MYRIP: variants seen among roughly 807,000 people sequenced by gnomAD.
MYRIP encodes the protein myosin VIIA and Rab interacting protein.
A neutral mutation model predicts 98.0 loss-of-function variants in MYRIP; 49 were observed. That is an observed-to-expected ratio of 0.50 (90% CI 0.40 to 0.63). MYRIP has a LOEUF of 0.63. Among genes scored for constraint, MYRIP ranks in the 30% least tolerant of loss-of-function variants. The pLI is 0.00. For synonymous variants in MYRIP, 404 were observed against 409.5 expected (o/e 0.99, Z 0.16); for missense variants, 1,004 against 1,058.2 (o/e 0.95, Z 0.71).
At chr3:40,253,343 T>C (rs1247679576) in intron 16 of MYRIP, among the ~76,000 whole-genome samples, 1 of 152,216 alleles carries the variant, frequency 6.6e-6, no homozygotes, top group African/African-American at 2.4e-5. Context: ...ACTTGTTCCC[T>C]AAATAGGGAC....
intron 3 of MYRIP, among the ~76,000 whole-genome samples, chr3:40,119,425 A>G (rs1949351422): frequency 6.6e-6 from 1 of 152,242 alleles, no homozygotes; most frequent in African/African-American, 2.4e-5. Context: ...TTTGTGCAGA[A>G]AAAGGGCAAA....
intron 4 of MYRIP, among the ~76,000 whole-genome samples, chr3:40,153,566 A>C (rs967161958): frequency 6.6e-6 from 1 of 152,194 alleles, no homozygotes; most frequent in Admixed American, 6.5e-5. Flanking sequence ...GAATTTTTGG[A>C]GGTGGGATCC....
chr3:40,099,518 C>G (rs534051166), intron 3 of MYRIP, among the ~76,000 whole-genome samples: 1 of 152,264 alleles, frequency 6.6e-6, no homozygotes, highest in African/African-American at 2.4e-5. Context: ...TGGTCACATA[C>G]TCTCCATCAC....
At chr3:39,876,529 C>A (rs1384107467) in intron 1 of MYRIP, among the ~76,000 whole-genome samples, 2 of 152,120 alleles carry the variant, frequency 1.3e-5, no homozygotes, top group South Asian at 2.1e-4. Context: ...TCTTTTAGGG[C>A]AGGCCTGGTG....
chr3:39,824,996 G>A (rs756188347), intron 1 of MYRIP, among the ~76,000 whole-genome samples: 3 of 152,172 alleles, frequency 2.0e-5, no homozygotes, highest in Non-Finnish European at 4.4e-5. Context: ...GGGATCACAG[G>A]CATTGAGCCA....
chr3:40,220,238 C>A (rs9852388), intron 11 of MYRIP, among the ~76,000 whole-genome samples: 1 of 151,858 alleles, frequency 6.6e-6, no homozygotes, highest in African/African-American at 2.4e-5. Context: ...GATATTAGCC[C>A]TTTGTCAGAC....
At chr3:40,095,380 C>A (rs530487325) in intron 3 of MYRIP, among the ~76,000 whole-genome samples, 30 of 152,244 alleles carry the variant, frequency 2.0e-4, no homozygotes, top group African/African-American at 6.5e-4. Context: ...GCTCTGAGAA[C>A]CCCCAGCTAA....
intron 1 of MYRIP, among the ~76,000 whole-genome samples, chr3:39,834,652 C>T (rs1941568015): frequency 6.6e-6 from 1 of 152,074 alleles, no homozygotes; most frequent in South Asian, 2.1e-4. Context: ...ATAAATTATG[C>T]TGTAATATAA....
chr3:40,073,348 C>T (rs1367613935), intron 3 of MYRIP, among the ~76,000 whole-genome samples: 1 of 152,194 alleles, frequency 6.6e-6, no homozygotes, highest in African/African-American at 2.4e-5. Context: ...GGAGCAGCCC[C>T]AAGAGTTCTG....
At chr3:40,137,237 C>A (rs1425189918) in intron 3 of MYRIP, among the ~76,000 whole-genome samples, 1 of 152,198 alleles carries the variant, frequency 6.6e-6, no homozygotes, top group African/African-American at 2.4e-5. Flanking sequence ...AAACTACCAT[C>A]AGAGAATACT....
chr3:40,137,770 G>C (rs1056332277), intron 3 of MYRIP, among the ~76,000 whole-genome samples: 3 of 152,092 alleles, frequency 2.0e-5, no homozygotes, highest in Non-Finnish European at 4.4e-5. Flanking sequence ...CACATGCTGG[G>C]TGCTCAGTAT....
At chr3:40,009,551 A>G (rs780560836) in intron 2 of MYRIP, among the ~76,000 whole-genome samples, 4 of 152,080 alleles carry the variant, frequency 2.6e-5, no homozygotes, top group African/African-American at 4.8e-5. Flanking sequence ...CCCAACTGCT[A>G]CTTTTTAATG....
intron 1 of MYRIP, among the ~76,000 whole-genome samples, chr3:39,863,979 G>T (rs981267811): frequency 1.3e-5 from 2 of 152,124 alleles, no homozygotes; most frequent in Non-Finnish European, 2.9e-5. Context: ...TCTCTGGGAC[G>T]CAAGGTTGTC....
intron 2 of MYRIP, among the ~76,000 whole-genome samples, chr3:39,924,565 G>A (rs1045460878): frequency 1.3e-5 from 2 of 151,952 alleles, no homozygotes; most frequent in Non-Finnish European, 2.9e-5. Context: ...CCCAACAACC[G>A]ATAGAACAAA....
intron 3 of MYRIP, among the ~76,000 whole-genome samples, chr3:40,150,461 A>G (rs186212955): frequency 1.3e-5 from 2 of 152,342 alleles, no homozygotes; most frequent in African/African-American, 4.8e-5. Flanking sequence ...GAGTGCTTCA[A>G]TCTGAATGAG....
intron 1 of MYRIP, among the ~76,000 whole-genome samples, chr3:39,818,457 G>A (rs1051398151): frequency 1.3e-5 from 2 of 152,150 alleles, no homozygotes; most frequent in Non-Finnish European, 2.9e-5. Context: ...TCACTATAGA[G>A]TTATCCATGG....
intron 5 of MYRIP, 84 bp from the exon 6 acceptor site, chr3:40,166,762 G>A (rs1950508362): frequency 2.1e-6 from 2 of 960,248 alleles, no homozygotes; most frequent in Non-Finnish European, 3.3e-6. Flanking sequence ...CAGAGCCCCT[G>A]AAGAATTTAA....
intron 11 of MYRIP, among the ~76,000 whole-genome samples, chr3:40,214,860 G>A (rs1952071125): frequency 6.6e-6 from 1 of 152,116 alleles, no homozygotes; most frequent in African/African-American, 2.4e-5. Flanking sequence ...ATGCAAAAGA[G>A]GACTAAGGAC....
chr3:40,167,083 G>A, intron 6 of MYRIP, 76 bp from the exon 7 acceptor site: 1 of 1,479,162 alleles, frequency 6.8e-7, no homozygotes, highest in Admixed American at 1.7e-5. Context: ...TTTGTGGTCA[G>A]GACTCTCCTG....
Sources: allele counts gnomAD v4.1 joint callset (sites outside exome capture counted in the v4.1 genomes callset), GRCh38; gene constraint gnomAD v4.1.1; transcripts MANE v1.5; gene names NCBI Gene and HGNC (gene_info 2026-07-23, HGNC 2026-07-21).